LEKR1: variants seen among roughly 807,000 people sequenced by gnomAD.
LEKR1 encodes protein LEKR1.
LEKR1 carries 59 observed loss-of-function variants against 72.4 expected under a neutral mutation model. That is an observed-to-expected ratio of 0.82 (90% CI 0.66 to 1.01). The LOEUF is 1.01. Ranked by LOEUF, LEKR1 falls within the 50% of genes least tolerant of loss-of-function variation. The pLI is 0.00. For missense variants in LEKR1, 728 were observed against 759.2 expected, an observed-to-expected ratio of 0.96 and a Z score of 0.48; for synonymous variants, 257 against 263.2, an observed-to-expected ratio of 0.98 and a Z score of 0.23.
intron 5 of LEKR1, among the ~76,000 whole-genome samples, chr3:156,935,672 A>G (rs1269740041): frequency 6.6e-6 from 1 of 152,218 alleles, no homozygotes; most frequent in East Asian, 1.9e-4. Flanking sequence ...CTTACATGAA[A>G]AGATGACCGG....
chr3:157,028,005 T>C, intron 11 of LEKR1, 98 bp from the exon 12 acceptor site: 1 of 777,530 alleles, frequency 1.3e-6, no homozygotes, highest in Non-Finnish European at 2.1e-6. Context: ...ATCAAGTGAG[T>C]ACACTGATTA....
chr3:156,835,616 G>A (rs971173334), intron 2 of LEKR1, among the ~76,000 whole-genome samples: 1 of 152,044 alleles, frequency 6.6e-6, no homozygotes, highest in Non-Finnish European at 1.5e-5. Context: ...CATACTTTCC[G>A]GGTCCCCAAG....
intron 9 of LEKR1, among the ~76,000 whole-genome samples, chr3:157,009,117 T>A (rs1732695886): frequency 6.6e-6 from 1 of 152,190 alleles, no homozygotes; most frequent in Non-Finnish European, 1.5e-5. Flanking sequence ...TATACATTAT[T>A]ACAGTGCTAT....
intron 7 of LEKR1, chr3:156,988,549 A>C (rs1189906751): frequency 5.3e-6 from 1 of 189,152 alleles, no homozygotes; most frequent in Non-Finnish European, 1.2e-5. Context: ...CAGCAGCAGC[A>C]TTGTTTTCTT....
chr3:156,979,747 A>G (rs1730012312), intron 7 of LEKR1: 1 of 152,274 alleles, frequency 6.6e-6, no homozygotes, highest in Admixed American at 6.5e-5. Flanking sequence ...TGAGAAAGAA[A>G]TATTGGAAAA....
At chr3:156,871,088 C>T (rs1195884695) in intron 3 of LEKR1, among the ~76,000 whole-genome samples, 2 of 151,944 alleles carry the variant, frequency 1.3e-5, no homozygotes, top group African/African-American at 4.8e-5. Flanking sequence ...GTATATATCC[C>T]AATGCTATCT....
intron 3 of LEKR1, among the ~76,000 whole-genome samples, chr3:156,892,137 G>A (rs970227157): frequency 7.4e-4 from 112 of 152,246 alleles, no homozygotes; most frequent in African/African-American, 2.5e-3. Context: ...CCCAACAATC[G>A]GGGAGAGGGG....
At chr3:156,941,773 T>A (rs1726231473) in intron 5 of LEKR1, among the ~76,000 whole-genome samples, 1 of 152,102 alleles carries the variant, frequency 6.6e-6, no homozygotes, top group East Asian at 1.9e-4. Context: ...TGTGTTTTAA[T>A]GATAGTTTAA....
At chr3:156,965,892 C>G (rs984667234) in intron 6 of LEKR1, among the ~76,000 whole-genome samples, 1 of 152,124 alleles carries the variant, frequency 6.6e-6, no homozygotes, top group Non-Finnish European at 1.5e-5. Context: ...AGGGTTTACT[C>G]TGAATGCTCA....
At position 156,956,432 on chromosome 3, in the gene LEKR1, C is replaced by T. The variant is rs1028268269; in HGVS notation, c.745+13718C>T. 3.3e-5 allele frequency among the ~76,000 whole-genome samples: 5 copies of T among 151,976 alleles called. No individual in the cohort carries two copies. The South Asian group carries it at 6.2e-4, about 19-fold the overall frequency. On this transcript the variant is annotated intron_variant, in intron 6 of 12. Coordinates refer to ENST00000356539, the MANE Select transcript of LEKR1 (RefSeq NM_001004316.3). Reference sequence around the variant, plus strand: ...TTTTTATAGGGATGTTCTGCTGCTGCGAAAATGGCAGTATATATCTTTAGA... The same window carrying T: ...TTTTTATAGGGATGTTCTGCTGCTGTGAAAATGGCAGTATATATCTTTAGA...
chr3:156,909,785 T>TA (rs1722930645), intron 3 of LEKR1, among the ~76,000 whole-genome samples: 2 of 152,206 alleles, frequency 1.3e-5, no homozygotes, highest in Non-Finnish European at 2.9e-5. Context: ...TTGGATTTTT[T>TA]AACAGATTTT....
intron 12 of LEKR1, 25 bp downstream of exon 12, chr3:157,028,427 T>A (rs1734364080): frequency 1.3e-6 from 2 of 1,538,708 alleles, no homozygotes; most frequent in East Asian, 2.3e-5. Context: ...GTGGTAACTT[T>A]GCAATTAATC....
At chr3:156,887,538 T>C (rs1720233677) in intron 3 of LEKR1, among the ~76,000 whole-genome samples, 1 of 152,196 alleles carries the variant, frequency 6.6e-6, no homozygotes, top group Non-Finnish European at 1.5e-5. Flanking sequence ...GAATGATGCT[T>C]TGAATTCTGA....
chr3:156,956,421 T>C (rs1205792452), intron 6 of LEKR1, among the ~76,000 whole-genome samples: 1 of 152,076 alleles, frequency 6.6e-6, no homozygotes, highest in East Asian at 1.9e-4. Flanking sequence ...TATAGGGATG[T>C]TCTGCTGCTG....
chr3:156,970,629 G>A (rs1193665624), intron 6 of LEKR1, among the ~76,000 whole-genome samples: 5 of 151,896 alleles, frequency 3.3e-5, no homozygotes, highest in Admixed American at 2.0e-4. Context: ...TAAGCTGATA[G>A]GCAACTTCAG....
intron 2 of LEKR1, among the ~76,000 whole-genome samples, chr3:156,841,851 T>C (rs1027854084): frequency 6.6e-6 from 1 of 152,096 alleles, no homozygotes; most frequent in African/African-American, 2.4e-5. Flanking sequence ...TACAGAATAA[T>C]ATTAGAGAGA....
chr3:157,024,758 A>C lies in LEKR1; in HGVS notation c.1204-2A>C, dbSNP rs1374609034. 16 of 1,598,900 alleles carry C rather than the reference A, an allele frequency of 1.0e-5. No individual in the cohort carries two copies. The highest frequency in any genetic ancestry group is 1.4e-5 in the Non-Finnish European group (16 of 1,175,696). On this transcript the variant is annotated splice_acceptor_variant, in intron 10 of 12. Transcript: ENST00000356539. LOFTEE classifies it high-confidence loss of function. ...TACATGTGCTTTAAATGCCATTTCT[A>C]GATTGAAGCAGAACTTGCCAAGGAA...
chr3:156,909,433 C>T (rs931113296), intron 3 of LEKR1, among the ~76,000 whole-genome samples: 7 of 151,986 alleles, frequency 4.6e-5, no homozygotes, highest in African/African-American at 7.2e-5. Flanking sequence ...GGGCTGATCA[C>T]GAGGTCAGGA....
chr3:156,898,525 G>A (rs1470135003), intron 3 of LEKR1, among the ~76,000 whole-genome samples: 1 of 152,156 alleles, frequency 6.6e-6, no homozygotes, highest in African/African-American at 2.4e-5. Context: ...GGACCTGCCG[G>A]CACCTTGATC....
Sources: gnomAD v4.1 joint callset for allele counts (sites outside exome capture counted in the v4.1 genomes callset) on GRCh38, gnomAD v4.1.1 for gene constraint, MANE v1.5 for transcripts, NCBI Gene and HGNC (gene_info 2026-07-23, HGNC 2026-07-21) for gene names.